The following SLC38A10 variants were observed in gnomAD, a reference collection of about 807,000 sequenced individuals.
The protein encoded by SLC38A10 is solute carrier family 38 member 10.
Under a neutral mutation model 81.0 loss-of-function variants are expected in SLC38A10, and 53 were observed. That is an observed-to-expected ratio of 0.65 (90% CI 0.53 to 0.82). SLC38A10 has a LOEUF of 0.82. SLC38A10 is among the 40% of genes least tolerant of loss of function. SLC38A10 has a pLI of 0.00. For synonymous variants in SLC38A10, 665 were observed against 655.3 expected, an observed-to-expected ratio of 1.01 and a Z score of -0.23; for missense variants, 1,471 against 1,545.0, an observed-to-expected ratio of 0.95 and a Z score of 0.80.
Position 81,281,870 on chromosome 17 carries a change from C to A in SLC38A10, c.501+319G>T, listed in dbSNP as rs2063215000. Among the ~76,000 whole-genome samples the A allele has an allele frequency of 6.6e-6, 1 of 152,246 alleles. No homozygotes were observed. The highest frequency in any genetic ancestry group is 1.5e-5 in the Non-Finnish European group (1 of 68,044). ...TGGTCACAAACCCTACATAAGACAT[C>A]TTTGCATAAAGCAAGTGGACTTGGA... On this transcript the variant is annotated intron_variant, in intron 5 of 15. Coordinates refer to ENST00000374759, the MANE Select transcript of SLC38A10 (RefSeq NM_001037984.3). This position sits in a 1 kb window ranked among gnomAD's most constrained non-coding sequence, Gnocchi z 5.3.
rs1008065233 is a variant in SLC38A10 at position 81,259,343 on chromosome 17, C to T, written c.1288+895G>A. On this transcript the variant is annotated intron_variant, in intron 11 of 15. Coordinates refer to ENST00000374759, the MANE Select transcript of SLC38A10 (RefSeq NM_001037984.3). Reference sequence around the variant, plus strand: ...AGCGAATCTGACTGAGCCGGGGCCTCTGCAGAGGGGTGTGTTGGATATGGT... The same window carrying T: ...AGCGAATCTGACTGAGCCGGGGCCTTTGCAGAGGGGTGTGTTGGATATGGT... Among the ~76,000 whole-genome samples the T allele has an allele frequency of 2.0e-5, 3 of 152,246 alleles. No individual in the cohort carries two copies. The East Asian group carries it at 5.8e-4, about 29-fold the overall frequency.
chr17:81,291,081 G>A (rs2063306092), intron 1 of SLC38A10, among the ~76,000 whole-genome samples: 1 of 152,278 alleles, frequency 6.6e-6, no homozygotes, highest in South Asian at 2.1e-4. Flanking sequence ...CACAAGGACC[G>A]CCACACTAGT....
Position 81,271,003 on chromosome 17 carries a change from G to A in SLC38A10, c.1046C>T (p.Thr349Ile), listed in dbSNP as rs1373005801. The change falls in exon 10 of 16, where the codon ACA becomes ATA. Residue 349 changes from threonine (T) to isoleucine (I), a missense_variant. Around this residue, in one of 2 missense-constraint regions of SLC38A10, gnomAD observed 720 missense variants for 827.7 expected, o/e 0.87. Coordinates refer to ENST00000374759, the MANE Select transcript of SLC38A10 (RefSeq NM_001037984.3). ...IPNVETILGL[T>I]GATMGSLICF... ...GATGAGGCTTCCCATGGTCGCTCCT[G>A]TGAGGCCCAGGATGGTCTCCACTAG... The A allele has an allele frequency of 6.2e-6, 10 of 1,612,762 alleles. No homozygotes were observed. Among genetic ancestry groups the A allele is most frequent in the Non-Finnish European group, 8.5e-6 (10 of 1,179,948 alleles).
Position 81,252,201 on chromosome 17 carries a change from C to G in SLC38A10, c.1939G>C (p.Asp647His), listed in dbSNP as rs141580824. ...AGCCCAGGCTGACACCCACCGTGGT[C>G]GCTGTCCTCTGCGGGCTGCCCTGTG... Reference protein sequence around the residue: ...GDTGQPAEDSDHGGKPPLPAE... With the variant: ...GDTGQPAEDSHHGGKPPLPAE... The change falls in exon 13 of 16, where the codon GAC (aspartate) becomes CAC (histidine). Residue 647 changes from aspartate to histidine, a missense_variant. By Grantham distance (81) the Asp-to-His change is moderately conservative. Around this residue, in one of 2 missense-constraint regions of SLC38A10, gnomAD observed 751 missense variants for 717.4 expected, o/e 1.05. Coordinates refer to ENST00000374759, the MANE Select transcript of SLC38A10 (RefSeq NM_001037984.3). 2 of 1,509,800 alleles carry G rather than the reference C, an allele frequency of 1.3e-6. No homozygotes were observed. The highest frequency in any genetic ancestry group is 1.3e-5 in the South Asian group (1 of 76,028). The allele number at this position is 1,509,800 out of a possible 1,614,324, so 93.5% of individuals were successfully genotyped here.
intron 1 of SLC38A10, among the ~76,000 whole-genome samples, chr17:81,294,219 T>C (rs991184534): frequency 1.3e-5 from 2 of 152,002 alleles, no homozygotes; most frequent in Admixed American, 1.3e-4. Flanking sequence ...TCAGTAGAGA[T>C]GGGGTTTCAG....
rs1453014631 is a variant in SLC38A10, at chr17:81,288,138, G to A, written c.217+1553C>T. On this transcript the variant is annotated intron_variant, in intron 2 of 15. Transcript: ENST00000374759. This position sits in a 1 kb window ranked among gnomAD's most constrained non-coding sequence, Gnocchi z 5.4. ...GAAGGAATACATCCCCTCCGGTTCT[G>A]AGGGCCGAAACGAACGCAGGACTCT... 6.6e-6 allele frequency among the ~76,000 whole-genome samples: 1 copy of A among 152,240 alleles called. No homozygotes were observed. Among genetic ancestry groups the A allele is most frequent in the Non-Finnish European group, 1.5e-5 (1 of 68,044 alleles).
chr17:81,272,451 G>T, intron 9 of SLC38A10, 65 bp downstream of exon 9: 1 of 1,039,888 alleles, frequency 9.6e-7, no homozygotes, highest in Non-Finnish European at 1.4e-6. Flanking sequence ...TAACTGTGCA[G>T]GTCTTGGTTG....
In SLC38A10 at chr17:81,277,818, G is replaced by A. The variant is rs759819089; in HGVS notation, c.627-685C>T. Among the ~76,000 whole-genome samples, 1 of 152,244 alleles carries A rather than the reference G, an allele frequency of 6.6e-6. No individual in the cohort carries two copies. Among genetic ancestry groups the A allele is most frequent in the Non-Finnish European group, 1.5e-5 (1 of 68,042 alleles). Reference sequence around the variant, plus strand: ...GGAAAGGGGTGGGCGAGACGACAAGGGAGAGGCTGGGGCCATGGAGCATCT... The same window carrying A: ...GGAAAGGGGTGGGCGAGACGACAAGAGAGAGGCTGGGGCCATGGAGCATCT... On this transcript the variant is annotated intron_variant, in intron 6 of 15. Transcript: ENST00000374759. This position sits in a 1 kb window ranked among gnomAD's most constrained non-coding sequence, Gnocchi z 4.5.
In SLC38A10 at chr17:81,246,515, G is replaced by A. The variant is rs368413835; in HGVS notation, c.2401C>T (p.Arg801Cys). 37 of 1,529,876 alleles carry A rather than the reference G, an allele frequency of 2.4e-5. No individual in the cohort carries two copies. The African/African-American group carries it at 3.2e-4, about 13-fold the overall frequency. 94.8% of individuals were successfully genotyped at this position (1,529,876 alleles called of 1,614,324 possible). The change falls in exon 16 of 16, where the codon CGC becomes TGC. Residue 801 changes from arginine (R) to cysteine (C), a missense_variant. Arg to Cys is a radical substitution (Grantham distance 180). Coordinates refer to ENST00000374759, the MANE Select transcript of SLC38A10 (RefSeq NM_001037984.3). ...GGCCCCTCAGAGTGCTCCAGGGAGC[G>A]CTGGTTAAGGTCCTGGGATGGAGCA... Reference protein sequence around the residue: ...RPAPSQDLNQRSLEHSEGPVG... With the variant: ...RPAPSQDLNQCSLEHSEGPVG...
intron 14 of SLC38A10, 154 bp from the exon 15 acceptor site, chr17:81,247,215 C>T (rs924039262): frequency 1.4e-5 from 11 of 780,910 alleles, no homozygotes; most frequent in African/African-American, 8.8e-5. Flanking sequence ...TGACTGTGAC[C>T]GTGAAGCCCG....
intron 1 of SLC38A10, among the ~76,000 whole-genome samples, chr17:81,294,282 C>T (rs1227258326): frequency 6.6e-6 from 1 of 152,192 alleles, no homozygotes; most frequent in Non-Finnish European, 1.5e-5. Context: ...CCACTCGCCT[C>T]GGCCTCCCAA....
At chr17:81,280,491 C>T (rs2063200525) in intron 6 of SLC38A10, 118 bp downstream of exon 6, 3 of 1,451,976 alleles carry the variant, frequency 2.1e-6, no homozygotes, top group Non-Finnish European at 2.8e-6. Context: ...AACAAGACAT[C>T]ACTCTTTAGC....
At chr17:81,275,260 G>C (rs536343577) in intron 8 of SLC38A10, among the ~76,000 whole-genome samples, 1 of 152,056 alleles carries the variant, frequency 6.6e-6, no homozygotes, top group Non-Finnish European at 1.5e-5. Flanking sequence ...CCCAGCTGGA[G>C]TGTAGTGATG....
intron 14 of SLC38A10, chr17:81,251,110 C>A: frequency 1.3e-6 from 2 of 1,506,930 alleles, no homozygotes; most frequent in Non-Finnish European, 1.8e-6. Flanking sequence ...TGCAGGCACG[C>A]CCACACCTGG....
intron 10 of SLC38A10, among the ~76,000 whole-genome samples, chr17:81,261,717 G>T (rs1317908925): frequency 6.6e-6 from 1 of 152,264 alleles, no homozygotes; most frequent in Non-Finnish European, 1.5e-5. Context: ...TGCTGCTGAG[G>T]CTCTGGGGTC....
chr17:81,289,674 T>A lies in SLC38A10; in HGVS notation c.217+17A>T, dbSNP rs770600605. The A allele has an allele frequency of 9.4e-6, 15 of 1,593,424 alleles. No homozygotes were observed. The South Asian group carries it at 1.6e-4, about 17-fold the overall frequency. On this transcript the variant is annotated intron_variant, in intron 2 of 15. Coordinates refer to ENST00000374759, the MANE Select transcript of SLC38A10 (RefSeq NM_001037984.3). The surrounding 1 kb of genome is among the most constrained non-coding windows in gnomAD (Gnocchi z 5.9). The stretch of plus-strand genomic sequence containing the variant: ...CCGCCCCAGGTCCAGAGCCACCTTG[T>A]GGAGAGGGCGCCTCACCCAGGCCGG...
Position 81,246,594 on chromosome 17 carries a change from C to G in SLC38A10, c.2322G>C (p.Glu774Asp). The G allele has an allele frequency of 6.6e-7, 1 of 1,516,812 alleles. No homozygotes were observed. The allele number at this position is 1,516,812 out of a possible 1,614,324, so 94.0% of individuals were successfully genotyped here. A position where few individuals can be genotyped will look rare whatever the true frequency, so the allele number is the denominator to read the frequency against. The part of the protein sequence containing the change: ...APEGKARETV[E>D]NLPPLPLDPV... Reference sequence around the variant, plus strand: ...GGTCCAAAGGCAGGGGAGGCAGATTCTCCACCGTCTCCCTGGCCTTGCCTT... The same window carrying G: ...GGTCCAAAGGCAGGGGAGGCAGATTGTCCACCGTCTCCCTGGCCTTGCCTT... Residue 774 changes from glutamate to aspartate, a missense_variant, in exon 16 of 16, where the codon GAG (glutamate) becomes GAC (aspartate). Physicochemically the swap from Glu to Asp is conservative, Grantham distance 45. This residue lies in a region of SLC38A10 where 751 missense variants were observed against 717.4 expected (regional missense o/e 1.05). Transcript: ENST00000374759.
chr17:81,251,855 G>C (rs1002051928), intron 13 of SLC38A10: 3 of 528,582 alleles, frequency 5.7e-6, no homozygotes, highest in Non-Finnish European at 9.4e-6. Flanking sequence ...TAAAATGCAA[G>C]AACTGTCCTA....
At position 81,265,510 on chromosome 17, in the gene SLC38A10, G is replaced by A. The variant is rs1298843947; in HGVS notation, c.1132-5116C>T. 2.0e-5 allele frequency: 3 copies of A among 152,174 alleles called. No homozygotes were observed. The highest frequency in any genetic ancestry group is 6.5e-5 in the Admixed American group (1 of 15,282). The allele number at this position is 152,174 out of a possible 1,614,324, so 9.4% of individuals were successfully genotyped here. A position where few individuals can be genotyped will look rare whatever the true frequency, so the allele number is the denominator to read the frequency against. On this transcript the variant is annotated intron_variant, in intron 10 of 15. Transcript: ENST00000374759. This position sits in a 1 kb window ranked among gnomAD's most constrained non-coding sequence, Gnocchi z 4.2. Reference sequence around the variant, plus strand: ...AGCTGGAACATTCCTTCTTTTTCACGTCTTTCTCCAGCACAGCCTTGATTC... The same window carrying A: ...AGCTGGAACATTCCTTCTTTTTCACATCTTTCTCCAGCACAGCCTTGATTC...
Sources: gnomAD v4.1 joint callset for allele counts (sites outside exome capture counted in the v4.1 genomes callset) on GRCh38, gnomAD v4.1.1 for gene constraint, gnomAD v4.1.1 regional missense constraint, Gnocchi (gnomAD v3.1) non-coding constraint, MANE v1.5 for transcripts, NCBI Gene and HGNC (gene_info 2026-07-23, HGNC 2026-07-21) for gene names.